PCDH7: variants seen among roughly 807,000 people sequenced by gnomAD.
PCDH7 encodes protocadherin 7, also known as protocadherin-7.
In PCDH7, 17 loss-of-function variants were observed where a neutral mutation model predicts 58.9. The observed-to-expected ratio is 0.29, with a 90% CI of 0.20 to 0.43. PCDH7 has a LOEUF of 0.43. PCDH7 is among the 20% of genes least tolerant of loss of function. The pLI, the probability that PCDH7 is intolerant of heterozygous loss-of-function variation, is 1.00. For missense variants in PCDH7, 1,274 were observed against 1,441.0 expected, an observed-to-expected ratio of 0.88 and a Z score of 1.88; for synonymous variants, 664 against 616.4, an observed-to-expected ratio of 1.08 and a Z score of -1.14.
chr4:30,874,564 T>C (rs1374081914), intron 1 of PCDH7, among the ~76,000 whole-genome samples: 1 of 151,658 alleles, frequency 6.6e-6, no homozygotes, highest in Non-Finnish European at 1.5e-5. Context: ...GAGGGAGGGA[T>C]AGCCTTAGGA....
At chr4:30,950,444 C>A (rs1176620175) in intron 3 of PCDH7, among the ~76,000 whole-genome samples, 4 of 152,104 alleles carry the variant, frequency 2.6e-5, no homozygotes, top group Non-Finnish European at 4.4e-5. Flanking sequence ...TGATATTATT[C>A]TCAGGGAAAG....
intron 3 of PCDH7, among the ~76,000 whole-genome samples, chr4:30,976,852 G>A (rs574809059): frequency 6.6e-6 from 1 of 152,066 alleles, no homozygotes; most frequent in African/African-American, 2.4e-5. Context: ...TATGCCACCT[G>A]ATTTTTCAGG....
chr4:31,128,024 TATACATATATATATGTATGCACATATGC>T (rs1442667435), intron 3 of PCDH7, among the ~76,000 whole-genome samples: 2 of 151,442 alleles, frequency 1.3e-5, no homozygotes, highest in African/African-American at 4.8e-5. Context: ...TGTGTATATA[TATACATATATATATGTATGCACATATGC>T]ATACATATGT....
chr4:30,973,074 T>A (rs1749747238), intron 3 of PCDH7, among the ~76,000 whole-genome samples: 1 of 152,144 alleles, frequency 6.6e-6, no homozygotes, highest in Non-Finnish European at 1.5e-5. Context: ...AGTCACAAAT[T>A]CCCAAAAAAT....
intron 3 of PCDH7, among the ~76,000 whole-genome samples, chr4:31,053,979 A>G (rs1756950973): frequency 6.6e-6 from 1 of 152,108 alleles, no homozygotes; most frequent in Admixed American, 6.6e-5. Context: ...TTGTTTTTTG[A>G]GACATGGTCT....
At chr4:30,933,982 C>T (rs901223363) in intron 2 of PCDH7, among the ~76,000 whole-genome samples, 6 of 152,200 alleles carry the variant, frequency 3.9e-5, no homozygotes, top group Non-Finnish European at 5.9e-5. Context: ...CGTGTTCACA[C>T]GGAACCATAT....
exon 2 of PCDH7, chr4:30,732,262 C>T (rs1715614210): frequency 6.6e-6 from 1 of 152,126 alleles, no homozygotes; most frequent in Admixed American, 6.6e-5. Context: ...GTGTAAGAAA[C>T]TGGTGAAAGG....
intron 3 of PCDH7, among the ~76,000 whole-genome samples, chr4:30,995,364 T>C (rs889402746): frequency 1.3e-5 from 2 of 151,880 alleles, no homozygotes; most frequent in African/African-American, 2.4e-5. Flanking sequence ...TACAAAAAAT[T>C]AGCTGGGCGT....
chr4:30,903,571 T>C (rs1392793887), intron 1 of PCDH7, among the ~76,000 whole-genome samples: 1 of 152,128 alleles, frequency 6.6e-6, no homozygotes, highest in Non-Finnish European at 1.5e-5. Context: ...GTTTCACTTA[T>C]AAAGATCTCA....
intron 3 of PCDH7, among the ~76,000 whole-genome samples, chr4:31,076,118 A>G (rs551297680): frequency 5.3e-4 from 80 of 152,252 alleles, no homozygotes; most frequent in African/African-American, 1.8e-3. Context: ...TGTAGTCTGA[A>G]GTTTGAAAGC....
At chr4:30,734,685 G>GT (rs949365746), downstream of PCDH7, among the ~76,000 whole-genome samples, 9 of 152,112 alleles carry the variant, frequency 5.9e-5, no homozygotes, top group South Asian at 2.1e-4. Context: ...CTGCTGTCAA[G>GT]TTTTTTTTGC....
chr4:31,079,098 C>T (rs1245651848), intron 3 of PCDH7, among the ~76,000 whole-genome samples: 2 of 151,152 alleles, frequency 1.3e-5, no homozygotes, highest in East Asian at 3.9e-4. Flanking sequence ...AAATGTAAAA[C>T]ATTTAGAAGA....
intron 1 of PCDH7, among the ~76,000 whole-genome samples, chr4:30,746,993 A>G (rs2109254046): frequency 6.6e-6 from 1 of 152,304 alleles, no homozygotes; most frequent in African/African-American, 2.4e-5. Context: ...TTAGTGAATC[A>G]GAATACAGCA....
chr4:31,015,251 A>G (rs1015142173), intron 3 of PCDH7, among the ~76,000 whole-genome samples: 17 of 152,308 alleles, frequency 1.1e-4, no homozygotes, highest in African/African-American at 4.1e-4. Flanking sequence ...AACTCAGCAA[A>G]CTACCAGTTG....
chr4:31,094,256 A>G (rs958823964), intron 3 of PCDH7, among the ~76,000 whole-genome samples: 8 of 152,142 alleles, frequency 5.3e-5, no homozygotes, highest in African/African-American at 1.9e-4. Flanking sequence ...AAATATTTGT[A>G]TTTGTGCAGA....
chr4:30,828,046 C>A (rs970167847), intron 1 of PCDH7, among the ~76,000 whole-genome samples: 11 of 152,040 alleles, frequency 7.2e-5, no homozygotes, highest in African/African-American at 2.4e-4. Flanking sequence ...GCACATATAA[C>A]CTACTTCATA....
intron 3 of PCDH7, among the ~76,000 whole-genome samples, chr4:30,966,280 T>A (rs1221272011): frequency 1.3e-5 from 2 of 152,202 alleles, no homozygotes; most frequent in African/African-American, 2.4e-5. Context: ...ATTTCAACTT[T>A]GAGTCACACA....
chr4:30,827,321 G>A (rs1273213248), intron 1 of PCDH7, among the ~76,000 whole-genome samples: 1 of 152,098 alleles, frequency 6.6e-6, no homozygotes, highest in Non-Finnish European at 1.5e-5. Flanking sequence ...TAAAGTTTAA[G>A]GAATTTTTTT....
chr4:30,799,278 T>G (rs1282214960), intron 1 of PCDH7, among the ~76,000 whole-genome samples: 1 of 152,228 alleles, frequency 6.6e-6, no homozygotes, highest in East Asian at 1.9e-4. Context: ...CTGTCTAGCA[T>G]TTCAAAAATT....
Sources: gnomAD v4.1 joint callset for allele counts (sites outside exome capture counted in the v4.1 genomes callset) on GRCh38, gnomAD v4.1.1 for gene constraint, MANE v1.5 for transcripts, NCBI Gene and HGNC (gene_info 2026-07-23, HGNC 2026-07-21) for gene names.